The following NAALADL2 variants were observed in gnomAD, a reference collection of about 807,000 sequenced individuals.
NAALADL2 encodes N-acetylated alpha-linked acidic dipeptidase like 2.
In NAALADL2, 76 loss-of-function variants were observed where a neutral mutation model predicts 87.2. The ratio of observed to expected loss-of-function variants is 0.87; its 90% CI spans 0.72 to 1.05. NAALADL2 has a LOEUF of 1.05. Ranked by LOEUF, NAALADL2 falls within the 50% of genes least tolerant of loss-of-function variation. The pLI, the probability that NAALADL2 is intolerant of heterozygous loss-of-function variation, is 0.00. For synonymous variants in NAALADL2, 354 were observed against 331.0 expected (o/e 1.07, Z -0.75); for missense variants, 1,089 against 945.8 (o/e 1.15, Z -1.99).
chr3:175,360,009 A>G (rs1296107402), intron 5 of NAALADL2, among the ~76,000 whole-genome samples: 2 of 152,100 alleles, frequency 1.3e-5, no homozygotes, highest in African/African-American at 4.8e-5. Context: ...TATTTTGTGA[A>G]TGTTAAATTG....
chr3:175,622,260 T>A (rs928986001), intron 10 of NAALADL2, among the ~76,000 whole-genome samples: 1 of 152,150 alleles, frequency 6.6e-6, no homozygotes, highest in African/African-American at 2.4e-5. Flanking sequence ...ACTCATCTAG[T>A]TGAGCCTTGG....
chr3:175,050,887 T>C (rs1231596366), intron 1 of NAALADL2, among the ~76,000 whole-genome samples: 1 of 152,104 alleles, frequency 6.6e-6, no homozygotes, highest in Non-Finnish European at 1.5e-5. Flanking sequence ...CAAAATGTCA[T>C]GTATCGATAA....
intron 2 of NAALADL2, among the ~76,000 whole-genome samples, chr3:174,604,532 C>A (rs1230146533): frequency 6.6e-6 from 1 of 151,960 alleles, no homozygotes; most frequent in African/African-American, 2.4e-5. Flanking sequence ...TCAGCTACTT[C>A]TGTCTTTTGG....
chr3:175,713,693 TTTTG>T (rs895233328), intron 11 of NAALADL2, among the ~76,000 whole-genome samples: 23 of 152,132 alleles, frequency 1.5e-4, no homozygotes, highest in African/African-American at 5.1e-4. Context: ...CTTTATTCTT[TTTTG>T]TTTGTTTGTT....
intron 2 of NAALADL2, among the ~76,000 whole-genome samples, chr3:175,221,408 T>C (rs1209487627): frequency 6.6e-6 from 1 of 152,126 alleles, no homozygotes; most frequent in Non-Finnish European, 1.5e-5. Flanking sequence ...GCCTAGCATA[T>C]AGGCAATTTT....
At chr3:175,574,224 C>G (rs920772109) in intron 9 of NAALADL2, among the ~76,000 whole-genome samples, 20 of 152,078 alleles carry the variant, frequency 1.3e-4, no homozygotes, top group African/African-American at 4.8e-4. Context: ...AAGTGGGGAG[C>G]TTTATTTTCT....
intron 1 of NAALADL2, among the ~76,000 whole-genome samples, chr3:175,043,177 C>T (rs546776485): frequency 6.6e-6 from 1 of 152,122 alleles, no homozygotes; most frequent in South Asian, 2.1e-4. Context: ...ACCAGACTAA[C>T]ACAAAGTCCT....
intron 10 of NAALADL2, among the ~76,000 whole-genome samples, chr3:175,577,942 T>C (rs1719141681): frequency 6.6e-6 from 1 of 152,156 alleles, no homozygotes; most frequent in Non-Finnish European, 1.5e-5. Flanking sequence ...ATATTTATCC[T>C]ATATCAATTA....
intron 3 of NAALADL2, among the ~76,000 whole-genome samples, chr3:174,808,306 A>G (rs1719738781): frequency 3.3e-5 from 5 of 152,248 alleles, no homozygotes; most frequent in Admixed American, 2.6e-4. Flanking sequence ...CCAATTAAAC[A>G]CTTCTGCACA....
rs146255009 is a variant in NAALADL2, at chr3:174,492,801, T to A, written c.-184+51769T>A. On this transcript the variant is annotated intron_variant, in intron 1 of 3. Transcript: ENST00000434257. ...AATCAGAGATTTTGATCTTATGAAA[T>A]TGCAGAGGGAGTCAGTCTGACCACT... Among the ~76,000 whole-genome samples, 10 of 152,326 alleles carry A rather than the reference T, an allele frequency of 6.6e-5. No individual in the cohort carries two copies. The East Asian group carries it at 1.5e-3, about 23-fold the overall frequency.
At chr3:174,806,124 A>G (rs1415602891) in intron 3 of NAALADL2, among the ~76,000 whole-genome samples, 1 of 152,132 alleles carries the variant, frequency 6.6e-6, no homozygotes, top group East Asian at 1.9e-4. Context: ...ATTATCACTA[A>G]TCTTTTGTCC....
chr3:175,569,823 TACACAC>T (rs34518577), intron 9 of NAALADL2, among the ~76,000 whole-genome samples: 1,877 of 147,460 alleles, frequency 0.013, 23 homozygotes, highest in African/African-American at 0.033. Flanking sequence ...GACCAACTAA[TACACAC>T]ACACACACAC....
rs374708592 is a variant in NAALADL2 at position 175,633,780 on chromosome 3, A to G, written c.1896+6394A>G. The stretch of plus-strand genomic sequence containing the variant: ...TTTTCAATGGCATAGGATATATAAG[A>G]TTAATGATATAGGGCTTTCAAAAGA... On this transcript the variant is annotated intron_variant, in intron 11 of 13. Transcript: ENST00000454872. Among the ~76,000 whole-genome samples the G allele has an allele frequency of 8.6e-5, 13 of 151,764 alleles. No individual in the cohort carries two copies. The East Asian group carries it at 9.7e-4, about 11-fold the overall frequency.
At chr3:174,897,743 ATAGT>A (rs906247291) in intron 1 of NAALADL2, among the ~76,000 whole-genome samples, 15 of 152,208 alleles carry the variant, frequency 9.9e-5, no homozygotes, top group Non-Finnish European at 1.5e-5. Context: ...ATTACATACA[ATAGT>A]TAGGAGCAAC....
At chr3:174,686,436 A>AT (rs1728046938) in intron 2 of NAALADL2, among the ~76,000 whole-genome samples, 1 of 148,750 alleles carries the variant, frequency 6.7e-6, no homozygotes, top group African/African-American at 2.5e-5. Flanking sequence ...TGTGGTTTTG[A>AT]TTTGCATTTC....
chr3:174,950,567 T>C (rs553994489), intron 1 of NAALADL2, among the ~76,000 whole-genome samples: 2 of 152,286 alleles, frequency 1.3e-5, no homozygotes, highest in South Asian at 4.1e-4. Context: ...TTGATACTTT[T>C]GAAATGTTTT....
intron 1 of NAALADL2, among the ~76,000 whole-genome samples, chr3:174,486,362 C>A (rs1051845832): frequency 3.9e-5 from 6 of 152,058 alleles, no homozygotes; most frequent in African/African-American, 1.4e-4. Flanking sequence ...CACTGTGAGA[C>A]CCTGATAGAG....
intron 4 of NAALADL2, among the ~76,000 whole-genome samples, chr3:175,320,010 C>T (rs976434969): frequency 6.6e-6 from 1 of 152,138 alleles, no homozygotes; most frequent in Non-Finnish European, 1.5e-5. Context: ...GCAACATAAG[C>T]AGTAATTGGG....
At chr3:175,786,431 C>CT (rs1751972817) in intron 13 of NAALADL2, among the ~76,000 whole-genome samples, 1 of 152,206 alleles carries the variant, frequency 6.6e-6, no homozygotes, top group African/African-American at 2.4e-5. Flanking sequence ...AACTTCCCTT[C>CT]TCCTTCATTT....
Sources: gnomAD v4.1 joint callset for allele counts (sites outside exome capture counted in the v4.1 genomes callset) on GRCh38, gnomAD v4.1.1 for gene constraint, MANE v1.5 for transcripts, NCBI Gene and HGNC (gene_info 2026-07-23, HGNC 2026-07-21) for gene names.